The following RPRD1A variants were observed in gnomAD, a reference collection of about 807,000 sequenced individuals.
RPRD1A encodes the protein regulation of nuclear pre-mRNA domain-containing protein 1A.
RPRD1A carries 9 observed loss-of-function variants against 37.8 expected under a neutral mutation model. The observed-to-expected ratio is 0.24, with a 90% confidence interval of 0.14 to 0.42. The LOEUF (loss-of-function observed/expected upper bound fraction) is 0.42, where lower values mean the gene tolerates loss of function less well. Ranked by LOEUF, RPRD1A falls within the 10% of genes least tolerant of loss-of-function variation. The probability of loss-of-function intolerance (pLI) is 1.00; values close to 1 mark genes in which losing one functional copy is unlikely to be tolerated. For synonymous variants in RPRD1A, 138 were observed against 139.7 expected (o/e 0.99, Z 0.08); for missense variants, 255 against 371.0 (o/e 0.69, Z 2.57).
chr18:36,002,025 G>GACTTCTTTCAA, intron 6 of RPRD1A, among the ~76,000 whole-genome samples: 3 of 89,216 alleles, frequency 3.4e-5, no homozygotes, highest in African/African-American at 1.7e-4. Context: ...TTCCCCCTCT[G>GACTTCTTTCAA]GCTTCTTTCA....
At chr18:36,054,880 G>C (rs1913654579) in intron 1 of RPRD1A, among the ~76,000 whole-genome samples, 1 of 151,936 alleles carries the variant, frequency 6.6e-6, no homozygotes, top group Non-Finnish European at 1.5e-5. Flanking sequence ...AAAAGTCCCA[G>C]CTCAAAGGCA....
intron 2 of RPRD1A, among the ~76,000 whole-genome samples, chr18:36,031,667 C>T (rs1431499585): frequency 6.6e-6 from 1 of 152,140 alleles, no homozygotes; most frequent in Non-Finnish European, 1.5e-5. Flanking sequence ...CTGTTTCCTA[C>T]CTCCTTCATT....
intron 6 of RPRD1A, among the ~76,000 whole-genome samples, chr18:35,993,976 C>A (rs554488198): frequency 2.6e-5 from 4 of 152,238 alleles, no homozygotes; most frequent in Admixed American, 2.6e-4. Flanking sequence ...CCTGATAAGC[C>A]TCACCCCCAA....
chr18:36,015,169 T>TAC (rs1254082143), intron 6 of RPRD1A, among the ~76,000 whole-genome samples: 1 of 92,820 alleles, frequency 1.1e-5, no homozygotes, highest in African/African-American at 4.2e-5. Context: ...TATATACACA[T>TAC]ATATACACAC....
intron 1 of RPRD1A, among the ~76,000 whole-genome samples, chr18:36,050,826 T>G (rs914738432): frequency 4.0e-5 from 6 of 151,784 alleles, no homozygotes; most frequent in African/African-American, 1.5e-4. Context: ...ATTACAGGTG[T>G]GAGCTACCAC....
At chr18:36,039,585 T>C (rs1598643620) in intron 1 of RPRD1A, among the ~76,000 whole-genome samples, 1 of 152,386 alleles carries the variant, frequency 6.6e-6, no homozygotes, top group East Asian at 1.9e-4. Flanking sequence ...TAGTTGTTCA[T>C]AATGGTAGAA....
intron 6 of RPRD1A, among the ~76,000 whole-genome samples, chr18:36,019,282 T>C (rs1910827055): frequency 6.6e-6 from 1 of 151,928 alleles, no homozygotes; most frequent in African/African-American, 2.4e-5. Flanking sequence ...TAATTTTTTA[T>C]ATTTTTAGTA....
At chr18:36,041,774 G>C (rs543798435) in intron 1 of RPRD1A, among the ~76,000 whole-genome samples, 1 of 152,332 alleles carries the variant, frequency 6.6e-6, no homozygotes, top group South Asian at 2.1e-4. Flanking sequence ...CAACATCTTT[G>C]CCACAGAAAG....
Position 35,996,737 on chromosome 18 carries a change from A to C in RPRD1A, c.790-3437T>G, listed in dbSNP as rs574103323. On this transcript the variant is annotated intron_variant, in intron 6 of 6. Coordinates refer to ENST00000399022, the MANE Select transcript of RPRD1A (RefSeq NM_018170.5). ...TCACACCTATAATCCCAGCATTTTG[A>C]GGCCGAAGTGGGTGGAATGCTTTGA... Among the ~76,000 whole-genome samples, 4 of 152,242 alleles carry C rather than the reference A, an allele frequency of 2.6e-5. No individual in the cohort carries two copies. In the South Asian group the frequency reaches 8.3e-4, roughly 32 times the overall value.
chr18:36,015,212 ACTT>A (rs1192702685), intron 6 of RPRD1A, among the ~76,000 whole-genome samples: 24 of 139,206 alleles, frequency 1.7e-4, no homozygotes, highest in African/African-American at 6.7e-4. Context: ...ACATTCACAT[ACTT>A]TTTTTTTTTT....
rs142175854 is a variant in RPRD1A at position 36,018,562 on chromosome 18, C to T, written c.789+8338G>A. On this transcript the variant is annotated intron_variant, in intron 6 of 6. Transcript: ENST00000399022. Reference sequence around the variant, plus strand: ...TGCTAGGATTACAGGCGTGAGCCACCGCTCCCAGCCCCAAGTTACATTTCT... The same window carrying T: ...TGCTAGGATTACAGGCGTGAGCCACTGCTCCCAGCCCCAAGTTACATTTCT... 2.7e-4 allele frequency among the ~76,000 whole-genome samples: 41 copies of T among 152,222 alleles called. No homozygotes were observed. The East Asian group carries it at 7.9e-3, about 29-fold the overall frequency.
intron 6 of RPRD1A, 126 bp from the exon 7 acceptor site, chr18:35,993,426 T>A: frequency 1.1e-6 from 1 of 914,818 alleles, no homozygotes; most frequent in Non-Finnish European, 1.6e-6. Context: ...GTTATTCCAG[T>A]GTGAGTTTTC....
rs577779887 is a variant in RPRD1A, at chr18:36,056,516, G to A, written c.151+10738C>T. ...TTGGCTAGGCTGGTCTTGAACTCCT[G>A]ACCTCAAGTGATCTGCCCACTTCGG... On this transcript the variant is annotated intron_variant, in intron 1 of 6. Coordinates refer to ENST00000399022, the MANE Select transcript of RPRD1A (RefSeq NM_018170.5). 6.6e-5 allele frequency among the ~76,000 whole-genome samples: 10 copies of A among 152,180 alleles called. No homozygotes were observed. The South Asian group carries it at 1.9e-3, about 28-fold the overall frequency.
intron 1 of RPRD1A, among the ~76,000 whole-genome samples, chr18:36,065,137 G>C (rs756316358): frequency 1.3e-5 from 2 of 152,178 alleles, no homozygotes; most frequent in Non-Finnish European, 2.9e-5. Flanking sequence ...CTTCATTCTT[G>C]AAGTCAGCGA....
At chr18:36,052,494 G>T (rs1353113987) in intron 1 of RPRD1A, among the ~76,000 whole-genome samples, 2 of 152,030 alleles carry the variant, frequency 1.3e-5, no homozygotes, top group Admixed American at 1.3e-4. Context: ...TTATCAAATG[G>T]CACACAACAT....
At chr18:36,045,095 C>T (rs1163811571) in intron 1 of RPRD1A, among the ~76,000 whole-genome samples, 2 of 151,952 alleles carry the variant, frequency 1.3e-5, no homozygotes, top group African/African-American at 2.4e-5. Context: ...CAGAAATTAG[C>T]CAGACGTGGT....
rs528509662 is a variant in RPRD1A at position 36,029,535 on chromosome 18, A to G, written c.486+1273T>C. Among the ~76,000 whole-genome samples the G allele has an allele frequency of 2.7e-5, 4 of 149,908 alleles. No homozygotes were observed. In the East Asian group the frequency reaches 8.0e-4, roughly 30 times the overall value. ...TTCGCCTTGTTTTAAGAGTATGGTT[A>G]TGTCTTCATTTTCTCATTTTACACT... On this transcript the variant is annotated intron_variant, in intron 4 of 6. Transcript: ENST00000399022.
chr18:36,041,478 A>G (rs1912576280), intron 1 of RPRD1A, among the ~76,000 whole-genome samples: 2 of 152,224 alleles, frequency 1.3e-5, no homozygotes, highest in South Asian at 4.1e-4. Flanking sequence ...GATCTAATTC[A>G]GTTCCTTAAC....
intron 4 of RPRD1A, chr18:36,028,340 A>G (rs539114860): frequency 1.3e-5 from 2 of 152,296 alleles, no homozygotes; most frequent in South Asian, 2.1e-4. Flanking sequence ...ACTCATTAGA[A>G]GTGTTTAAAA....
Sources: gnomAD v4.1 joint callset for allele counts (sites outside exome capture counted in the v4.1 genomes callset) on GRCh38, gnomAD v4.1.1 for gene constraint, MANE v1.5 for transcripts, NCBI Gene and HGNC (gene_info 2026-07-23, HGNC 2026-07-21) for gene names.